Variants in SOX21 observed in about 807,000 individuals in gnomAD.
SOX21 encodes SRY-box transcription factor 21, also known as transcription factor SOX-21.
For missense variants in SOX21, 370 were observed against 388.8 expected, an observed-to-expected ratio of 0.95 and a Z score of 0.41; for synonymous variants, 237 against 189.7, an observed-to-expected ratio of 1.25 and a Z score of -2.05.
chr13:94,711,611 G>A lies in SOX21; in HGVS notation c.439C>T (p.Arg147Cys). 8.2e-7 allele frequency: 1 copy of A among 1,225,904 alleles called. No individual in the cohort carries two copies. The highest frequency in any genetic ancestry group is 1.0e-6 in the Non-Finnish European group (1 of 980,042). The allele number at this position is 1,225,904 out of a possible 1,614,324, so 75.9% of individuals were successfully genotyped here. Residue 147 changes from arginine to cysteine, a missense_variant, in exon 1 of 1, where the codon CGC becomes TGC. Physicochemically the swap from Arg to Cys is radical, Grantham distance 180. Coordinates refer to ENST00000376945, the MANE Select transcript of SOX21 (RefSeq NM_007084.4). The stretch of plus-strand genomic sequence containing the variant: ...GCGGCCGACTGCGGGAAGAAGACGC[G>A]TGCGGCGGCAGCGGCGGCGGCCGCG... ...AAAAAAAAAARVFFPQSAAAA... is the reference protein window; with the variant it reads ...AAAAAAAAAACVFFPQSAAAA...
Position 94,712,476 on chromosome 13 carries a change from A to G in SOX21, c.-427T>C. 1 of 986,514 alleles carries G rather than the reference A, an allele frequency of 1.0e-6. No homozygotes were observed. Among genetic ancestry groups the G allele is most frequent in the Non-Finnish European group, 1.2e-6 (1 of 831,626 alleles). 61.1% of individuals were successfully genotyped at this position (986,514 alleles called of 1,614,324 possible). On this transcript the variant is annotated 5_prime_UTR_variant, in exon 1 of 1. Coordinates refer to ENST00000376945, the MANE Select transcript of SOX21 (RefSeq NM_007084.4). The surrounding 1 kb of genome is among the most constrained non-coding windows in gnomAD (Gnocchi z 5.0). ...AAGTTGCGTCGCGGAGACTCCTCGA[A>G]GTTGAGCCGAGGAGCCCGCCGCCGC... is the stretch of plus-strand genomic sequence containing the variant.
chr13:94,709,675 A>G lies in SOX21; in HGVS notation c.*1544T>C, dbSNP rs925329713. The G allele has an allele frequency of 6.6e-6, 1 of 152,648 alleles. No individual in the cohort carries two copies. Among genetic ancestry groups the G allele is most frequent in the African/African-American group, 2.4e-5 (1 of 41,446 alleles). The allele number at this position is 152,648 out of a possible 1,614,324, so 9.5% of individuals were successfully genotyped here. On this transcript the variant is annotated 3_prime_UTR_variant, in exon 1 of 1. Transcript: ENST00000376945. The stretch of plus-strand genomic sequence containing the variant: ...TTAAACTCTTTGTTCAAAAAAAATG[A>G]ACAGAGTGATAGTCGGATTCTAATT...
Position 94,711,129 on chromosome 13 carries a change from C to A in SOX21, c.*90G>T. The A allele has an allele frequency of 8.5e-7, 1 of 1,179,756 alleles. No individual in the cohort carries two copies. Among genetic ancestry groups the A allele is most frequent in the South Asian group, 4.0e-5 (1 of 25,064 alleles). The allele number at this position is 1,179,756 out of a possible 1,614,324, so 73.1% of individuals were successfully genotyped here. A position where few individuals can be genotyped will look rare whatever the true frequency, so the allele number is the denominator to read the frequency against. ...TGTACATACAAACCGGGCCCCCGGT[C>A]GCGGGAGGGCGCACGGGGAGGCCGC... On this transcript the variant is annotated 3_prime_UTR_variant, in exon 1 of 1. Transcript: ENST00000376945.
Position 94,712,072 on chromosome 13 carries a change from A to T in SOX21, c.-23T>A. ...CATGCTCTCGCCCTGCCGCGGCTGC[A>T]GCCCGCCGCCTCCCGGGCCCTCGCC... On this transcript the variant is annotated 5_prime_UTR_variant, in exon 1 of 1. Coordinates refer to ENST00000376945, the MANE Select transcript of SOX21 (RefSeq NM_007084.4). This position sits in a 1 kb window ranked among gnomAD's most constrained non-coding sequence, Gnocchi z 5.0. 1 of 1,606,026 alleles carries T rather than the reference A, an allele frequency of 6.2e-7. No homozygotes were observed. Among genetic ancestry groups the T allele is most frequent in the Non-Finnish European group, 8.5e-7 (1 of 1,176,088 alleles).
rs558173233 is a variant in SOX21 at position 94,710,912 on chromosome 13, G to A, written c.*307C>T. ...CTCCTCCACCTCCGTGGGTCAAAAC[G>A]CAACAGGTTCCGAAGTGCAAAGCAA... On this transcript the variant is annotated 3_prime_UTR_variant, in exon 1 of 1. Coordinates refer to ENST00000376945, the MANE Select transcript of SOX21 (RefSeq NM_007084.4). 3.2e-4 allele frequency: 89 copies of A among 280,496 alleles called. No individual in the cohort carries two copies. The highest frequency in any genetic ancestry group is 1.8e-3 in the African/African-American group (83 of 45,894). 17.4% of individuals were successfully genotyped at this position (280,496 alleles called of 1,614,324 possible). A position where few individuals can be genotyped will look rare whatever the true frequency, so the allele number is the denominator to read the frequency against.
Position 94,711,274 on chromosome 13 carries a change from C to A in SOX21, c.776G>T (p.Gly259Val). The change falls in exon 1 of 1, where the codon GGC (glycine) becomes GTC (valine). Residue 259 changes from glycine (G) to valine (V), a missense_variant. Transcript: ENST00000376945. ...GGGGTCCAGCTGGGGCTTGCCCATGCCCGGCAGCAGGATGTAGGCGAGCGG... is the reference window on the plus strand; with the variant it reads ...GGGGTCCAGCTGGGGCTTGCCCATGACCGGCAGCAGGATGTAGGCGAGCGG... The part of the protein sequence containing the change: ...QPPLAYILLP[G>V]MGKPQLDPYP... 1 of 1,383,432 alleles carries A rather than the reference C, an allele frequency of 7.2e-7. No individual in the cohort carries two copies. Among genetic ancestry groups the A allele is most frequent in the South Asian group, 1.7e-5 (1 of 57,346 alleles). 85.7% of individuals were successfully genotyped at this position (1,383,432 alleles called of 1,614,324 possible).
rs1875222471 is a variant in SOX21 at position 94,711,129 on chromosome 13, C to T, written c.*90G>A. ...TGTACATACAAACCGGGCCCCCGGT[C>T]GCGGGAGGGCGCACGGGGAGGCCGC... On this transcript the variant is annotated 3_prime_UTR_variant, in exon 1 of 1. Coordinates refer to ENST00000376945, the MANE Select transcript of SOX21 (RefSeq NM_007084.4). 8.5e-7 allele frequency: 1 copy of T among 1,179,756 alleles called. No homozygotes were observed. Among genetic ancestry groups the T allele is most frequent in the Non-Finnish European group, 1.1e-6 (1 of 939,632 alleles). 73.1% of individuals were successfully genotyped at this position (1,179,756 alleles called of 1,614,324 possible).
At position 94,712,024 on chromosome 13, in the gene SOX21, T is replaced by C. The variant is rs1875273877; in HGVS notation, c.26A>G (p.Lys9Arg). Residue 9 changes from lysine to arginine, a missense_variant, in exon 1 of 1, where the codon AAG becomes AGG. Transcript: ENST00000376945. This position sits in a 1 kb window ranked among gnomAD's most constrained non-coding sequence, Gnocchi z 5.0. MSKPVDHV[K>R]RPMNAFMVWS... ...CACCATGAAGGCGTTCATGGGCCGCTTGACGTGGTCCACCGGCTTGGACAT... is the reference window on the plus strand; with the variant it reads ...CACCATGAAGGCGTTCATGGGCCGCCTGACGTGGTCCACCGGCTTGGACAT... The C allele has an allele frequency of 1.2e-6, 2 of 1,613,642 alleles. No individual in the cohort carries two copies. Among genetic ancestry groups the C allele is most frequent in the East Asian group, 2.2e-5 (1 of 44,806 alleles).
chr13:94,709,826 TA>T lies in SOX21; in HGVS notation c.*1392del, dbSNP rs1181247684. The T allele has an allele frequency of 6.6e-6, 1 of 152,518 alleles. No individual in the cohort carries two copies. The highest frequency in any genetic ancestry group is 1.5e-5 in the Non-Finnish European group (1 of 68,026). 9.4% of individuals were successfully genotyped at this position (152,518 alleles called of 1,614,324 possible). ...ATATTACATAAAGCCAAAATGAAACTAAATACATGTTAGCCAACTTCATTCA... is the reference window on the plus strand; with the variant it reads ...ATATTACATAAAGCCAAAATGAAACTAATACATGTTAGCCAACTTCATTCA... On this transcript the variant is annotated 3_prime_UTR_variant, in exon 1 of 1. Coordinates refer to ENST00000376945, the MANE Select transcript of SOX21 (RefSeq NM_007084.4).
Position 94,712,411 on chromosome 13 carries a change from C to A in SOX21, c.-362G>T, listed in dbSNP as rs930793991. ...AGCGGCGGCCGGGCAGAGCGCTCCT[C>A]CTCCTCGGTCGTTCTCTCTTAAATG... On this transcript the variant is annotated 5_prime_UTR_variant, in exon 1 of 1. Coordinates refer to ENST00000376945, the MANE Select transcript of SOX21 (RefSeq NM_007084.4). This position sits in a 1 kb window ranked among gnomAD's most constrained non-coding sequence, Gnocchi z 5.0. 3.5e-5 allele frequency: 36 copies of A among 1,015,422 alleles called. No individual in the cohort carries two copies. Among genetic ancestry groups the A allele is most frequent in the Middle Eastern group, 9.6e-4 (2 of 2,082 alleles). The allele number at this position is 1,015,422 out of a possible 1,614,324, so 62.9% of individuals were successfully genotyped here. A position where few individuals can be genotyped will look rare whatever the true frequency, so the allele number is the denominator to read the frequency against.
Position 94,711,931 on chromosome 13 carries a change from T to C in SOX21, c.119A>G (p.Lys40Arg). 1 of 1,614,044 alleles carries C rather than the reference T, an allele frequency of 6.2e-7. No homozygotes were observed. Among genetic ancestry groups the C allele is most frequent in the Non-Finnish European group, 8.5e-7 (1 of 1,179,954 alleles). ...NPKMHNSEISKRLGAEWKLLT... is the reference protein window; with the variant it reads ...NPKMHNSEISRRLGAEWKLLT... ...CAGTTTCCACTCGGCGCCCAAGCGCTTGCTGATCTCCGAGTTGTGCATCTT... is the reference window on the plus strand; with the variant it reads ...CAGTTTCCACTCGGCGCCCAAGCGCCTGCTGATCTCCGAGTTGTGCATCTT... Residue 40 changes from lysine (K) to arginine (R), a missense_variant, in exon 1 of 1, where the codon AAG becomes AGG. Transcript: ENST00000376945.
At position 94,711,326 on chromosome 13, in the gene SOX21, C is replaced by T; in HGVS notation, c.724G>A (p.Ala242Thr). ...PGYMIPCNCS[A>T]WPSPGLQPPL... is the part of the protein sequence containing the mutation. ...GGCTGCAGCCCGGGGCTGGGCCACG[C>T]GCTGCAGTTGCACGGGATCATGTAG... Residue 242 changes from alanine to threonine, a missense_variant, in exon 1 of 1, where the codon GCG (alanine) becomes ACG (threonine). Coordinates refer to ENST00000376945, the MANE Select transcript of SOX21 (RefSeq NM_007084.4). 1 of 1,306,798 alleles carries T rather than the reference C, an allele frequency of 7.7e-7. No homozygotes were observed. The highest frequency in any genetic ancestry group is 3.0e-5 in the East Asian group (1 of 32,850). 81.0% of individuals were successfully genotyped at this position (1,306,798 alleles called of 1,614,324 possible).
rs1183044887 is a variant in SOX21 at position 94,711,406 on chromosome 13, G to GA, written c.643_644insT (p.Ala215ValfsTer81). The GA allele has an allele frequency of 6.2e-5, 74 of 1,194,440 alleles. No individual in the cohort carries two copies. Among genetic ancestry groups the GA allele is most frequent in the East Asian group, 2.2e-4 (6 of 27,144 alleles). The allele number at this position is 1,194,440 out of a possible 1,614,324, so 74.0% of individuals were successfully genotyped here. Reference sequence around the variant, plus strand: ...CGTGTGCCCCCCGGCGGCGGCGGCCGCCGCTGCAGCCGCCGCCGCCGCGCC... The same window carrying GA: ...CGTGTGCCCCCCGGCGGCGGCGGCCGACCGCTGCAGCCGCCGCCGCCGCGCC... On this transcript the variant is annotated frameshift_variant, in exon 1 of 1. Coordinates refer to ENST00000376945, the MANE Select transcript of SOX21 (RefSeq NM_007084.4). LOFTEE classifies it high-confidence loss of function.
Position 94,712,080 on chromosome 13 carries a change from G to A in SOX21, c.-31C>T, listed in dbSNP as rs1305887567. 3 of 1,600,412 alleles carry A rather than the reference G, an allele frequency of 1.9e-6. No homozygotes were observed. The highest frequency in any genetic ancestry group is 2.2e-5 in the South Asian group (2 of 90,044). Reference sequence around the variant, plus strand: ...CGCCCTGCCGCGGCTGCAGCCCGCCGCCTCCCGGGCCCTCGCCCTCGGCCC... The same window carrying A: ...CGCCCTGCCGCGGCTGCAGCCCGCCACCTCCCGGGCCCTCGCCCTCGGCCC... On this transcript the variant is annotated 5_prime_UTR_variant, in exon 1 of 1. Coordinates refer to ENST00000376945, the MANE Select transcript of SOX21 (RefSeq NM_007084.4). This position sits in a 1 kb window ranked among gnomAD's most constrained non-coding sequence, Gnocchi z 5.0.
Position 94,710,274 on chromosome 13 carries a change from T to C in SOX21, c.*945A>G, listed in dbSNP as rs2138616526. 1 of 152,736 alleles carries C rather than the reference T, an allele frequency of 6.5e-6. No homozygotes were observed. The highest frequency in any genetic ancestry group is 1.5e-5 in the Non-Finnish European group (1 of 68,018). 9.5% of individuals were successfully genotyped at this position (152,736 alleles called of 1,614,324 possible). On this transcript the variant is annotated 3_prime_UTR_variant, in exon 1 of 1. Transcript: ENST00000376945. ...AACACATTTTCCAAGCCTCAATGTT[T>C]TCACTGACATATACACATTTACAAT...
Position 94,711,629 on chromosome 13 carries a change from C to A in SOX21, c.421G>T (p.Ala141Ser). The A allele has an allele frequency of 8.2e-7, 1 of 1,219,138 alleles. No individual in the cohort carries two copies. Among genetic ancestry groups the A allele is most frequent in the Non-Finnish European group, 1.0e-6 (1 of 981,124 alleles). The allele number at this position is 1,219,138 out of a possible 1,614,324, so 75.5% of individuals were successfully genotyped here. ...LANPEKAAAA[A>S]AAAAARVFFP... ...AAGACGCGTGCGGCGGCAGCGGCGG[C>A]GGCCGCGGCCGCCTTCTCGGGATTG... The change falls in exon 1 of 1, where the codon GCC becomes TCC. Residue 141 changes from alanine to serine, a missense_variant. Physicochemically the swap from Ala to Ser is moderately conservative, Grantham distance 99. Transcript: ENST00000376945.
Position 94,710,835 on chromosome 13 carries a change from C to T in SOX21, c.*384G>A. 6.0e-6 allele frequency: 1 copy of T among 166,520 alleles called. No homozygotes were observed. The highest frequency in any genetic ancestry group is 1.3e-5 in the Non-Finnish European group (1 of 77,346). 10.3% of individuals were successfully genotyped at this position (166,520 alleles called of 1,614,324 possible). A position where few individuals can be genotyped will look rare whatever the true frequency, so the allele number is the denominator to read the frequency against. On this transcript the variant is annotated 3_prime_UTR_variant, in exon 1 of 1. Transcript: ENST00000376945. ...AGAAGAATGAGAAACAAAAACAAAACCGACCATGAAACTTCCAACAAAACT... is the reference window on the plus strand; with the variant it reads ...AGAAGAATGAGAAACAAAAACAAAATCGACCATGAAACTTCCAACAAAACT...
At position 94,712,092 on chromosome 13, in the gene SOX21, CTCGCCCTCGGCCCG is replaced by C. The variant is rs1875278993; in HGVS notation, c.-57_-44del. On this transcript the variant is annotated 5_prime_UTR_variant, in exon 1 of 1. Transcript: ENST00000376945. The surrounding 1 kb of genome is among the most constrained non-coding windows in gnomAD (Gnocchi z 5.0). ...GCTGCAGCCCGCCGCCTCCCGGGCC[CTCGCCCTCGGCCCG>C]GAGGAAATCAATGTTGGCTGCCCGC... 6.3e-7 allele frequency: 1 copy of C among 1,588,654 alleles called. No individual in the cohort carries two copies. The highest frequency in any genetic ancestry group is 8.6e-7 in the Non-Finnish European group (1 of 1,167,234).
In SOX21 at chr13:94,711,573, A is replaced by AGCG. The variant is rs927839940; in HGVS notation, c.474_476dup (p.Ala166dup). 6.7e-5 allele frequency: 40 copies of AGCG among 597,602 alleles called. No homozygotes were observed. The highest frequency in any genetic ancestry group is 8.3e-5 in the Non-Finnish European group (39 of 471,698). 37.0% of individuals were successfully genotyped at this position (597,602 alleles called of 1,614,324 possible). On this transcript the variant is annotated inframe_insertion, in exon 1 of 1. Transcript: ENST00000376945. ...TGCCCGCGGCGGCGGCGGCGGCGGC[A>AGCG]GCGGCGGCGGCAGCGGCCGACTGCG...
Sources: allele counts gnomAD v4.1 joint callset, GRCh38; gene constraint gnomAD v4.1.1; non-coding constraint Gnocchi (gnomAD v3.1); transcripts MANE v1.5; gene names NCBI Gene and HGNC (gene_info 2026-07-23, HGNC 2026-07-21).